The following LY96 variants were observed in gnomAD, a reference collection of about 807,000 sequenced individuals.
LY96 encodes lymphocyte antigen 96.
In LY96, 18 loss-of-function variants were observed where a neutral mutation model predicts 18.9. That is an observed-to-expected ratio of 0.95 (90% CI 0.66 to 1.41). LY96 has a LOEUF of 1.41. LY96 is among the 40% of genes most tolerant of loss of function. The pLI is 0.00. For missense variants in LY96, 175 were observed against 182.4 expected (o/e 0.96, Z 0.23); for synonymous variants, 66 against 62.6 (o/e 1.06, Z -0.26).
chr8:74,098,458 C>T, the LY96 span, among the ~76,000 whole-genome samples: 2 of 152,128 alleles, frequency 1.3e-5, no homozygotes, highest in Non-Finnish European at 2.9e-5. Flanking sequence ...TCAGTGCAAC[C>T]TCCGCCTCCT....
chr8:74,009,903 A>G, intron 2 of LY96, 98 bp from the exon 3 acceptor site: 1 of 845,482 alleles, frequency 1.2e-6, no homozygotes, highest in Non-Finnish European at 2.0e-6. Context: ...ATAATGTAAG[A>G]AAAGCACAGG....
intron 1 of LY96, among the ~76,000 whole-genome samples, chr8:74,000,344 G>A (rs1336003099): frequency 1.3e-5 from 2 of 151,886 alleles, no homozygotes; most frequent in African/African-American, 2.4e-5. Flanking sequence ...AGTCCATCAA[G>A]TTCTTTGCAA....
intron 3 of LY96, among the ~76,000 whole-genome samples, chr8:74,024,340 ATAT>A (rs916724260): frequency 4.7e-5 from 7 of 150,110 alleles, no homozygotes; most frequent in African/African-American, 1.5e-4. Flanking sequence ...TATTATTATT[ATAT>A]TATTATATAA....
At chr8:74,058,898 G>A in the LY96 span, among the ~76,000 whole-genome samples, 192 of 152,272 alleles carry the variant, frequency 1.3e-3, 1 homozygote, top group Non-Finnish European at 2.3e-3. Flanking sequence ...CTGCAAGCTG[G>A]AGACCTAGGA....
the LY96 span, among the ~76,000 whole-genome samples, chr8:74,038,428 A>G: frequency 4.6e-5 from 7 of 152,240 alleles, no homozygotes; most frequent in African/African-American, 1.7e-4. Context: ...TCTTATAAAT[A>G]AGTGAATACA....
At chr8:74,054,838 A>T in the LY96 span, among the ~76,000 whole-genome samples, 1 of 150,738 alleles carries the variant, frequency 6.6e-6, no homozygotes, top group African/African-American at 2.4e-5. Context: ...TAATTTTTTT[A>T]AAAATTGTTT....
chr8:74,063,286 C>T, the LY96 span, among the ~76,000 whole-genome samples: 1 of 152,184 alleles, frequency 6.6e-6, no homozygotes, highest in Non-Finnish European at 1.5e-5. Flanking sequence ...TTAGAAGTCA[C>T]ACATATTATC....
intron 3 of LY96, among the ~76,000 whole-genome samples, chr8:74,019,377 T>A (rs1449601398): frequency 1.3e-5 from 2 of 152,134 alleles, no homozygotes; most frequent in Non-Finnish European, 2.9e-5. Context: ...CAGGAAGAAG[T>A]CGAATCCCTG....
chr8:74,080,992 T>C, the LY96 span, among the ~76,000 whole-genome samples: 35 of 75,812 alleles, frequency 4.6e-4, no homozygotes, highest in African/African-American at 1.5e-3. Flanking sequence ...CTCTCTTTCT[T>C]TCTTTCTTTC....
the LY96 span, chr8:74,056,247 G>A: frequency 4.6e-6 from 1 of 216,100 alleles, no homozygotes; most frequent in South Asian, 5.8e-5. Context: ...AGCTCATGTT[G>A]ATGTTCAGGC....
At chr8:74,072,762 T>C in the LY96 span, among the ~76,000 whole-genome samples, 2 of 152,134 alleles carry the variant, frequency 1.3e-5, no homozygotes, top group African/African-American at 4.8e-5. Flanking sequence ...AGGAAAAGCC[T>C]GAAAGCATAG....
the LY96 span, among the ~76,000 whole-genome samples, chr8:74,047,838 A>G: frequency 0.013 from 1,965 of 152,270 alleles, 20 homozygotes; most frequent in East Asian, 0.039. Flanking sequence ...TGATAATATC[A>G]TTACCCTGCT....
At chr8:74,082,949 G>C in the LY96 span, among the ~76,000 whole-genome samples, 1 of 152,104 alleles carries the variant, frequency 6.6e-6, no homozygotes, top group Non-Finnish European at 1.5e-5. Flanking sequence ...ATCTGCTTCA[G>C]GGGAGAAGGC....
intron 1 of LY96, among the ~76,000 whole-genome samples, chr8:73,991,857 A>G (rs1380173275): frequency 6.6e-6 from 1 of 151,928 alleles, no homozygotes; most frequent in Non-Finnish European, 1.5e-5. Flanking sequence ...TAATAAAACC[A>G]TCTGCTTCTG....
the LY96 span, among the ~76,000 whole-genome samples, chr8:74,052,958 G>T: frequency 2.0e-5 from 3 of 152,180 alleles, no homozygotes; most frequent in Non-Finnish European, 4.4e-5. Flanking sequence ...ATTTTTATGT[G>T]AAAATTTAAT....
intron 2 of LY96, among the ~76,000 whole-genome samples, chr8:74,005,806 T>C (rs1165668562): frequency 6.6e-6 from 1 of 152,252 alleles, no homozygotes; most frequent in African/African-American, 2.4e-5. Context: ...ACATTGTTTA[T>C]TGCCTGTAAG....
chr8:74,047,180 G>A, the LY96 span, among the ~76,000 whole-genome samples: 189 of 152,258 alleles, frequency 1.2e-3, no homozygotes, highest in African/African-American at 4.3e-3. Flanking sequence ...GAGCCACAGC[G>A]CCCGGCCCTG....
the LY96 span, among the ~76,000 whole-genome samples, chr8:74,078,731 A>G: frequency 2.6e-5 from 4 of 152,224 alleles, no homozygotes. Context: ...ACAGAGCTTC[A>G]CAGGCCTGGG....
At chr8:74,046,147 C>T in the LY96 span, among the ~76,000 whole-genome samples, 31 of 152,124 alleles carry the variant, frequency 2.0e-4, no homozygotes, top group Non-Finnish European at 3.7e-4. Context: ...GGTATGGTGG[C>T]GTGCACCTGT....
Sources: allele counts gnomAD v4.1 joint callset (sites outside exome capture counted in the v4.1 genomes callset), GRCh38; gene constraint gnomAD v4.1.1; transcripts MANE v1.5; gene names NCBI Gene and HGNC (gene_info 2026-07-23, HGNC 2026-07-21).